Variants in TRPC5 observed in about 807,000 individuals in gnomAD.
The protein encoded by TRPC5 is transient receptor potential cation channel subfamily C member 5.
TRPC5 carries 9 observed loss-of-function variants against 56.5 expected under a neutral mutation model. The observed-to-expected ratio is 0.16, with a 90% confidence interval of 0.10 to 0.28. The LOEUF (loss-of-function observed/expected upper bound fraction) is 0.28, where lower values mean the gene tolerates loss of function less well. Ranked by LOEUF, TRPC5 falls within the 10% of genes least tolerant of loss-of-function variation. The pLI is 1.00. For synonymous variants in TRPC5, 282 were observed against 278.5 expected, an observed-to-expected ratio of 1.01 and a Z score of -0.13; for missense variants, 469 against 748.9, an observed-to-expected ratio of 0.63 and a Z score of 4.36.
At chrX:111,815,707 A>G (rs946701097) in intron 7 of TRPC5, among the ~76,000 whole-genome samples, 1 of 110,157 alleles carries the variant, frequency 9.1e-6, no homozygotes, top group Non-Finnish European at 1.9e-5. Flanking sequence ...GGAGACAGAG[A>G]GAGACAGAGT....
intron 2 of TRPC5, among the ~76,000 whole-genome samples, chrX:111,943,378 G>C (rs781774654): frequency 9.0e-6 from 1 of 111,694 alleles, no homozygotes; most frequent in Non-Finnish European, 1.9e-5. Flanking sequence ...GGCCCTCGCT[G>C]TCCCCCTCCA....
chrX:111,976,592 T>C (rs1207930208), intron 1 of TRPC5, among the ~76,000 whole-genome samples: 7 of 111,694 alleles, frequency 6.3e-5, no homozygotes, highest in Non-Finnish European at 1.1e-4. Flanking sequence ...AGGATTCTCA[T>C]GCTCACCACT....
chrX:111,958,458 C>T (rs1927292156), intron 1 of TRPC5, among the ~76,000 whole-genome samples: 1 of 112,162 alleles, frequency 8.9e-6, no homozygotes, highest in Non-Finnish European at 1.9e-5. Context: ...TTCCCAGTAC[C>T]TGGCACATAG....
chrX:111,952,397 CT>C lies in TRPC5; in HGVS notation c.23del (p.Lys8ArgfsTer16), dbSNP rs1189888868. On this transcript the variant is annotated frameshift_variant, in exon 2 of 11. Coordinates refer to ENST00000262839, the MANE Select transcript of TRPC5 (RefSeq NM_012471.3). LOFTEE classifies it high-confidence loss of function. ...GGTCTCTGTACGGTGAGTAGTTGAC[CT>C]TTTTGTAGTACAGTTGGGCCATGGT... MAQLYYK[K>X]VNYSPYRDRI... 8.3e-7 allele frequency: 1 copy of C among 1,204,887 alleles called. No homozygotes were observed. The highest frequency in any genetic ancestry group is 1.1e-6 in the Non-Finnish European group (1 of 892,873).
At chrX:112,054,875 C>T (rs1270486404) in intron 1 of TRPC5, among the ~76,000 whole-genome samples, 1 of 111,286 alleles carries the variant, frequency 9.0e-6, no homozygotes, top group Non-Finnish European at 1.9e-5. Context: ...TTCCTCCTAA[C>T]TGCTGTAATG....
chrX:111,785,716 T>G (rs952548835), intron 7 of TRPC5, among the ~76,000 whole-genome samples: 2 of 111,693 alleles, frequency 1.8e-5, no homozygotes, highest in Admixed American at 9.5e-5. Context: ...AGAGAAGACC[T>G]TAAATGACCT....
At chrX:111,903,772 G>T (rs1382474097) in intron 3 of TRPC5, 3 of 112,044 alleles carry the variant, frequency 2.7e-5, no homozygotes, top group Admixed American at 9.5e-5. Context: ...AGATAGGCTG[G>T]TAGATGGCAT....
Position 111,912,274 on chromosome X carries a change from A to G in TRPC5, c.900+17T>C, listed in dbSNP as rs1340346835. 2 of 1,173,804 alleles carry G rather than the reference A, an allele frequency of 1.7e-6. No homozygotes were observed. The highest frequency in any genetic ancestry group is 1.1e-6 in the Non-Finnish European group (1 of 876,924). ...AGGCTTTAAGCTTCCCTGAAAGCAG[A>G]CATGAGCTCAGCTTACCTCTTTCTG... On this transcript the variant is annotated intron_variant, in intron 3 of 10. Transcript: ENST00000262839.
intron 3 of TRPC5, among the ~76,000 whole-genome samples, chrX:111,891,222 G>T (rs765574613): frequency 8.9e-6 from 1 of 111,972 alleles, no homozygotes. Context: ...ATTCCTTTGG[G>T]TATATACCTA....
intron 3 of TRPC5, among the ~76,000 whole-genome samples, chrX:111,881,533 T>A (rs776972122): frequency 2.7e-5 from 3 of 111,647 alleles, no homozygotes; most frequent in Non-Finnish European, 5.6e-5. Context: ...CTAGAAGAAG[T>A]TGCACAGACC....
At chrX:111,844,221 G>A (rs775593915) in intron 6 of TRPC5, among the ~76,000 whole-genome samples, 1 of 110,459 alleles carries the variant, frequency 9.1e-6, no homozygotes, top group African/African-American at 3.3e-5. Context: ...GAGGCATCAG[G>A]AGATGAGGGC....
chrX:111,846,233 G>A (rs1922922433), intron 6 of TRPC5, among the ~76,000 whole-genome samples: 1 of 111,095 alleles, frequency 9.0e-6, no homozygotes, highest in African/African-American at 3.3e-5. Flanking sequence ...ATGATCTTGG[G>A]GTCATTGCTA....
intron 6 of TRPC5, among the ~76,000 whole-genome samples, chrX:111,841,630 A>G (rs1443763063): frequency 8.9e-6 from 1 of 112,136 alleles, no homozygotes; most frequent in African/African-American, 3.2e-5. Flanking sequence ...GTTATTTTAC[A>G]TTCCTTTGTC....
intron 3 of TRPC5, chrX:111,903,455 G>T (rs760361656): frequency 8.9e-6 from 1 of 112,153 alleles, no homozygotes; most frequent in East Asian, 2.8e-4. Context: ...CCCTGTTTTT[G>T]TCTTCTGCAA....
At chrX:111,783,676 T>C (rs1945938089) in intron 7 of TRPC5, among the ~76,000 whole-genome samples, 1 of 110,924 alleles carries the variant, frequency 9.0e-6, no homozygotes, top group Non-Finnish European at 1.9e-5. Flanking sequence ...GTTAGATATA[T>C]GGCTTGCAAA....
At chrX:111,841,979 G>A (rs1007378490) in intron 6 of TRPC5, among the ~76,000 whole-genome samples, 12 of 107,325 alleles carry the variant, frequency 1.1e-4, no homozygotes, top group Non-Finnish European at 2.1e-4. Flanking sequence ...CCAAGGTGTT[G>A]AGATTACAGG....
At chrX:111,865,228 C>T (rs772224258) in intron 3 of TRPC5, among the ~76,000 whole-genome samples, 22 of 109,854 alleles carry the variant, frequency 2.0e-4, no homozygotes, top group South Asian at 2.0e-3. Flanking sequence ...GTTACCCCCC[C>T]CAGCCTGGTC....
Position 112,054,559 on chromosome X carries a change from A to G in TRPC5, c.-22+27320T>C, listed in dbSNP as rs1930295826. 2.7e-5 allele frequency among the ~76,000 whole-genome samples: 3 copies of G among 111,085 alleles called. No homozygotes were observed. In the Admixed American group the frequency reaches 2.9e-4, roughly 11 times the overall value. ...AGTTCTCAAAACTGCCCTAAAAAAT[A>G]CAGATACTCTGGTGCCATGTTCCAA... On this transcript the variant is annotated intron_variant, in intron 1 of 10. Transcript: ENST00000262839.
intron 7 of TRPC5, among the ~76,000 whole-genome samples, chrX:111,793,568 A>G (rs1474043427): frequency 3.6e-5 from 4 of 111,818 alleles, no homozygotes; most frequent in African/African-American, 9.7e-5. Flanking sequence ...TTGTGAGGAT[A>G]TACATAAATT....
Sources: allele counts gnomAD v4.1 joint callset (sites outside exome capture counted in the v4.1 genomes callset), GRCh38; gene constraint gnomAD v4.1.1; transcripts MANE v1.5; gene names NCBI Gene and HGNC (gene_info 2026-07-23, HGNC 2026-07-21).